The following APBB2 variants were observed in gnomAD, a reference collection of about 807,000 sequenced individuals.
APBB2 encodes Fe65-like 1.
In APBB2, 38 loss-of-function variants were observed where a neutral mutation model predicts 82.5. That is an observed-to-expected ratio of 0.46 (90% CI 0.36 to 0.60). APBB2 has a LOEUF of 0.60. Ranked by LOEUF, APBB2 falls within the 20% of genes least tolerant of loss-of-function variation. The probability of loss-of-function intolerance (pLI) is 0.00; values close to 1 mark genes in which losing one functional copy is unlikely to be tolerated. For missense variants in APBB2, 772 were observed against 972.3 expected (o/e 0.79, Z 2.74); for synonymous variants, 341 against 368.2 (o/e 0.93, Z 0.85).
At chr4:41,028,557 A>C (rs1279255866) in intron 5 of APBB2, among the ~76,000 whole-genome samples, 1 of 152,180 alleles carries the variant, frequency 6.6e-6, no homozygotes, top group African/African-American at 2.4e-5. Context: ...ACAGAGAGAA[A>C]ATGTGCAAGC....
intron 6 of APBB2, among the ~76,000 whole-genome samples, chr4:40,996,128 C>T (rs1392982505): frequency 1.3e-5 from 2 of 152,164 alleles, no homozygotes; most frequent in Non-Finnish European, 2.9e-5. Context: ...CAAGTGGCCC[C>T]TTCACTTTAC....
chr4:40,859,956 C>A (rs56126330), intron 12 of APBB2, among the ~76,000 whole-genome samples: 26,830 of 152,152 alleles, frequency 0.18, 2,584 homozygotes, highest in East Asian at 0.28. Context: ...AAAGTTGATT[C>A]CTTTGGAAGA....
chr4:41,052,208 AATACATAC>A (rs33920742), intron 4 of APBB2, among the ~76,000 whole-genome samples: 11,294 of 149,730 alleles, frequency 0.075, 1,415 homozygotes, highest in African/African-American at 0.26. Flanking sequence ...TCTGTACAAA[AATACATAC>A]ATACATACAT....
chr4:41,139,643 T>C (rs914431287), intron 2 of APBB2, among the ~76,000 whole-genome samples: 11 of 152,138 alleles, frequency 7.2e-5, no homozygotes, highest in South Asian at 6.2e-4. Context: ...TAAACGCACA[T>C]TGGTAAGTGA....
intron 1 of APBB2, among the ~76,000 whole-genome samples, chr4:41,190,920 G>C (rs1344676551): frequency 6.6e-6 from 1 of 152,226 alleles, no homozygotes; most frequent in Non-Finnish European, 1.5e-5. Flanking sequence ...TGTTTCTGAT[G>C]AACGAGAGCA....
intron 12 of APBB2, among the ~76,000 whole-genome samples, chr4:40,848,503 T>C (rs1049877117): frequency 3.9e-5 from 6 of 152,196 alleles, no homozygotes; most frequent in African/African-American, 1.2e-4. Context: ...TCCCAGTTAA[T>C]TGGCTCTGCT....
intron 4 of APBB2, among the ~76,000 whole-genome samples, chr4:41,049,326 G>A (rs1308452842): frequency 6.6e-6 from 1 of 150,454 alleles, no homozygotes; most frequent in Non-Finnish European, 1.5e-5. Flanking sequence ...CCCCGTCGGA[G>A]AAGTGAGGAG....
At chr4:40,964,167 A>T (rs1229128672) in intron 6 of APBB2, among the ~76,000 whole-genome samples, 1 of 152,194 alleles carries the variant, frequency 6.6e-6, no homozygotes, top group Non-Finnish European at 1.5e-5. Context: ...TGATAGAACA[A>T]GAACTGAAGA....
chr4:40,936,537 G>A (rs182457786), intron 7 of APBB2, among the ~76,000 whole-genome samples: 46 of 152,326 alleles, frequency 3.0e-4, no homozygotes, highest in Non-Finnish European at 5.9e-4. Context: ...GATTACAGGC[G>A]TAAGCCATGG....
rs776349455 is a variant in APBB2 at position 40,890,450 on chromosome 4, G to A, written c.1443C>T (p.Ser481=). The change falls in exon 12 of 18, where the codon AGC becomes AGT. Residue 481 remains serine, a synonymous_variant. Coordinates refer to ENST00000508593, the MANE Select transcript of APBB2 (RefSeq NM_004307.2). ...MYLILENDML[S]LVDPMDRSVL... is the part of the protein sequence containing the mutation. ...CGCTGCGGTCCATGGGGTCCACCAG[G>A]CTGAGCATGTCATTCTCCAGGATCA... The A allele has an allele frequency of 6.2e-6, 10 of 1,613,980 alleles. No homozygotes were observed. The highest frequency in any genetic ancestry group is 1.6e-4 in the Middle Eastern group (1 of 6,068).
chr4:41,030,718 T>C (rs1716425882), intron 5 of APBB2, among the ~76,000 whole-genome samples: 2 of 152,014 alleles, frequency 1.3e-5, no homozygotes, highest in African/African-American at 4.8e-5. Context: ...AAAAAGTAGG[T>C]GAGCTATAAA....
chr4:41,147,720 C>T (rs1307382266), intron 1 of APBB2, among the ~76,000 whole-genome samples: 1 of 152,040 alleles, frequency 6.6e-6, no homozygotes, highest in Non-Finnish European at 1.5e-5. Context: ...AACTCCTGAC[C>T]TCAGGTGATC....
At chr4:41,182,481 G>T (rs1344591690) in intron 1 of APBB2, among the ~76,000 whole-genome samples, 1 of 152,202 alleles carries the variant, frequency 6.6e-6, no homozygotes, top group African/African-American at 2.4e-5. Flanking sequence ...GAACATAGCT[G>T]CCTTTCAAAT....
chr4:41,181,748 C>T (rs1347369146), intron 1 of APBB2, among the ~76,000 whole-genome samples: 1 of 151,942 alleles, frequency 6.6e-6, no homozygotes, highest in African/African-American at 2.4e-5. Context: ...GAGTTCGAGA[C>T]CAGCCTGACC....
chr4:40,864,708 C>T (rs994400059), intron 12 of APBB2, among the ~76,000 whole-genome samples: 5 of 152,158 alleles, frequency 3.3e-5, no homozygotes, highest in African/African-American at 1.2e-4. Context: ...CTTCACTGTA[C>T]TATAAAGAGA....
chr4:41,044,616 T>C (rs536179988), intron 4 of APBB2, among the ~76,000 whole-genome samples: 4 of 152,326 alleles, frequency 2.6e-5, no homozygotes, highest in Admixed American at 2.0e-4. Flanking sequence ...TTGCTAGATA[T>C]AAAAATACTG....
chr4:41,041,656 C>G (rs1175939509), intron 4 of APBB2, among the ~76,000 whole-genome samples: 1 of 152,206 alleles, frequency 6.6e-6, no homozygotes, highest in East Asian at 1.9e-4. Context: ...AATCCTATCA[C>G]CAATTTCTTT....
At chr4:41,074,161 T>G (rs997431687) in intron 3 of APBB2, among the ~76,000 whole-genome samples, 2 of 152,240 alleles carry the variant, frequency 1.3e-5, no homozygotes, top group East Asian at 3.9e-4. Context: ...TTGAAAACAT[T>G]AGCAGAAAGA....
At chr4:40,884,856 G>A (rs752992372) in intron 12 of APBB2, among the ~76,000 whole-genome samples, 31 of 152,116 alleles carry the variant, frequency 2.0e-4, no homozygotes, top group Non-Finnish European at 4.4e-4. Context: ...AAAAAAATTC[G>A]GTACAGTGGA....
Sources: gnomAD v4.1 joint callset for allele counts (sites outside exome capture counted in the v4.1 genomes callset) on GRCh38, gnomAD v4.1.1 for gene constraint, MANE v1.5 for transcripts, NCBI Gene and HGNC (gene_info 2026-07-23, HGNC 2026-07-21) for gene names.